Variants in BTBD9 observed in about 807,000 individuals in gnomAD.
The protein encoded by BTBD9 is BTB/POZ domain-containing protein 9.
In BTBD9, 49 loss-of-function variants were observed where a neutral mutation model predicts 64.3. The ratio of observed to expected loss-of-function variants is 0.76; its 90% CI spans 0.61 to 0.97. The LOEUF (loss-of-function observed/expected upper bound fraction) is 0.97, where lower values mean the gene tolerates loss of function less well. BTBD9 is among the 50% of genes least tolerant of loss of function. The pLI is 0.00. For missense variants in BTBD9, 598 were observed against 762.1 expected (o/e 0.78, Z 2.53); for synonymous variants, 260 against 274.7 (o/e 0.95, Z 0.53).
chr6:38,544,871 G>A (rs1175371021), intron 6 of BTBD9, among the ~76,000 whole-genome samples: 2 of 133,340 alleles, frequency 1.5e-5, no homozygotes, highest in South Asian at 2.5e-4. Context: ...AGGTTGCAGT[G>A]AGCCAAGACC....
intron 7 of BTBD9, among the ~76,000 whole-genome samples, chr6:38,335,590 G>C (rs1226468954): frequency 6.6e-6 from 1 of 151,188 alleles, no homozygotes; most frequent in Non-Finnish European, 1.5e-5. Context: ...TTTTGAGAGG[G>C]AGTCTTGCTC....
In BTBD9 at chr6:38,553,164, C is replaced by T. The variant is rs558212154; in HGVS notation, c.1154+24436G>A. Among the ~76,000 whole-genome samples, 17 of 151,666 alleles carry T rather than the reference C, an allele frequency of 1.1e-4. No homozygotes were observed. In the East Asian group the frequency reaches 3.1e-3, roughly 28 times the overall value. ...TGTTATTTTTATTGTCTTTTTTTCC[C>T]CAAATATTTTCAATCTGCAGTTGGT... On this transcript the variant is annotated intron_variant, in intron 6 of 10. Transcript: ENST00000481247.
chr6:38,455,987 TC>T (rs1391701088), intron 6 of BTBD9, among the ~76,000 whole-genome samples: 1 of 150,786 alleles, frequency 6.6e-6, no homozygotes, highest in Non-Finnish European at 1.5e-5. Context: ...CTTTTTTTTT[TC>T]TTTTTTTTCT....
intron 9 of BTBD9, among the ~76,000 whole-genome samples, chr6:38,254,001 A>G (rs1178303072): frequency 1.4e-5 from 2 of 147,638 alleles, no homozygotes; most frequent in African/African-American, 5.0e-5. Flanking sequence ...CCATAGTAGC[A>G]TCTAGTATGT....
rs543220673 is a variant in BTBD9, at chr6:38,463,195, T to C, written c.1154+114405A>G. ...AATCAATTGTTGATTGTGGATAGCA[T>C]AGAGAAATACAATTGATTTTTGTAC... On this transcript the variant is annotated intron_variant, in intron 6 of 10. Transcript: ENST00000481247. Among the ~76,000 whole-genome samples, 7 of 152,376 alleles carry C rather than the reference T, an allele frequency of 4.6e-5. No individual in the cohort carries two copies. The East Asian group carries it at 9.6e-4, about 21-fold the overall frequency.
At chr6:38,270,183 A>G (rs1210320514) in intron 8 of BTBD9, among the ~76,000 whole-genome samples, 1 of 152,190 alleles carries the variant, frequency 6.6e-6, no homozygotes, top group Admixed American at 6.5e-5. Context: ...CCTCATCAAG[A>G]ACAAACATTT....
chr6:38,556,913 T>G (rs1775050115), intron 6 of BTBD9, among the ~76,000 whole-genome samples: 1 of 146,372 alleles, frequency 6.8e-6, no homozygotes, highest in South Asian at 2.2e-4. Context: ...CTTGGGAGGC[T>G]GAGGCAAGAG....
At chr6:38,583,370 G>A (rs1196110950) in intron 4 of BTBD9, among the ~76,000 whole-genome samples, 1 of 152,116 alleles carries the variant, frequency 6.6e-6, no homozygotes, top group Non-Finnish European at 1.5e-5. Context: ...GTGGTGGCAT[G>A]AGCCTGGAAT....
chr6:38,321,398 G>A (rs891394695), intron 7 of BTBD9, among the ~76,000 whole-genome samples: 4 of 152,134 alleles, frequency 2.6e-5, no homozygotes, highest in African/African-American at 7.2e-5. Context: ...GGGTGTGCTC[G>A]TTGCCAAGTT....
intron 6 of BTBD9, among the ~76,000 whole-genome samples, chr6:38,517,219 C>G (rs569616347): frequency 6.6e-6 from 1 of 152,308 alleles, no homozygotes; most frequent in African/African-American, 2.4e-5. Context: ...ATTTCCAGAT[C>G]TGAGAAAGTA....
At chr6:38,389,233 C>G (rs1582345536) in intron 6 of BTBD9, among the ~76,000 whole-genome samples, 1 of 152,132 alleles carries the variant, frequency 6.6e-6, no homozygotes, top group African/African-American at 2.4e-5. Flanking sequence ...TCCTTTAACT[C>G]AATACATAAA....
chr6:38,409,095 C>G (rs1767295023), intron 6 of BTBD9, among the ~76,000 whole-genome samples: 1 of 152,068 alleles, frequency 6.6e-6, no homozygotes, highest in African/African-American at 2.4e-5. Context: ...ACTAAAAATA[C>G]AAAAACTAGC....
chr6:38,411,612 A>G (rs1767428565), intron 6 of BTBD9, among the ~76,000 whole-genome samples: 1 of 152,180 alleles, frequency 6.6e-6, no homozygotes, highest in African/African-American at 2.4e-5. Flanking sequence ...TGAATCAAAG[A>G]CTTAAATATA....
intron 9 of BTBD9, among the ~76,000 whole-genome samples, chr6:38,206,240 G>A (rs973291162): frequency 2.1e-4 from 32 of 150,688 alleles, no homozygotes; most frequent in Admixed American, 6.6e-5. Context: ...TTTTGGAGAT[G>A]GAGTCTTGCT....
intron 6 of BTBD9, among the ~76,000 whole-genome samples, chr6:38,504,930 C>T (rs1281020896): frequency 6.6e-6 from 1 of 152,168 alleles, no homozygotes; most frequent in Non-Finnish European, 1.5e-5. Context: ...TCCACCAAAA[C>T]ACTGGAAATG....
chr6:38,354,573 T>C (rs1444621180), intron 6 of BTBD9, among the ~76,000 whole-genome samples: 1 of 152,236 alleles, frequency 6.6e-6, no homozygotes, highest in East Asian at 1.9e-4. Context: ...CTTAGAGAAC[T>C]ACTTGAAATG....
chr6:38,212,244 G>A (rs1382221320), intron 9 of BTBD9, among the ~76,000 whole-genome samples: 1 of 152,130 alleles, frequency 6.6e-6, no homozygotes, highest in Non-Finnish European at 1.5e-5. Context: ...ATTCCTCAGC[G>A]ATGGCTGCTG....
In BTBD9 at chr6:38,174,972, C is replaced by T. The variant is rs755116975; in HGVS notation, c.*13G>A. 4 of 1,613,246 alleles carry T rather than the reference C, an allele frequency of 2.5e-6. No individual in the cohort carries two copies. In the Admixed American group the frequency reaches 6.7e-5, roughly 27 times the overall value. ...CCCGAGCCCACCAAGTCACACCAGG[C>T]CCGCTGCCTCCTTTATTGGTGCTGC... is the stretch of plus-strand genomic sequence containing the variant. On this transcript the variant is annotated 3_prime_UTR_variant, in exon 11 of 11. Transcript: ENST00000481247.
intron 7 of BTBD9, among the ~76,000 whole-genome samples, chr6:38,334,431 A>C (rs1447987926): frequency 2.0e-5 from 3 of 151,982 alleles, no homozygotes; most frequent in Non-Finnish European, 4.4e-5. Flanking sequence ...GTGGTGGTGC[A>C]CACCTGTAAT....
Sources: allele counts gnomAD v4.1 joint callset (sites outside exome capture counted in the v4.1 genomes callset), GRCh38; gene constraint gnomAD v4.1.1; transcripts MANE v1.5; gene names NCBI Gene and HGNC (gene_info 2026-07-23, HGNC 2026-07-21).